CXCL12: variants seen among roughly 807,000 people sequenced by gnomAD.
CXCL12 encodes C-X-C motif chemokine ligand 12, also known as stromal cell-derived factor 1.
In CXCL12, 4 loss-of-function variants were observed where a neutral mutation model predicts 10.7. That is an observed-to-expected ratio of 0.37 (90% CI 0.18 to 0.86). The LOEUF is 0.86. CXCL12 is among the 40% of genes least tolerant of loss of function. The probability of loss-of-function intolerance (pLI) is 0.43; values close to 1 mark genes in which losing one functional copy is unlikely to be tolerated. For synonymous variants in CXCL12, 54 were observed against 45.4 expected (o/e 1.19, Z -0.77); for missense variants, 122 against 110.4 (o/e 1.10, Z -0.47).
downstream of CXCL12, chr10:44,373,168 T>C (rs1339458099): frequency 1.6e-5 from 24 of 1,538,716 alleles, no homozygotes; most frequent in Non-Finnish European, 1.8e-5. Flanking sequence ...TGTATTTTGC[T>C]ACATAATCAA....
downstream of CXCL12, chr10:44,372,029 C>T (rs1028169082): frequency 3.9e-5 from 6 of 152,266 alleles, no homozygotes; most frequent in Admixed American, 6.5e-5. Flanking sequence ...GCACAGGTGA[C>T]ACGCAGAGCA....
chr10:44,382,492 G>GC (rs1279848106), intron 1 of CXCL12, among the ~76,000 whole-genome samples: 1 of 152,148 alleles, frequency 6.6e-6, no homozygotes, highest in Non-Finnish European at 1.5e-5. Context: ...TGAGGCACAA[G>GC]CCCCCTCCCG....
At chr10:44,373,512 G>C (rs1445138512), downstream of CXCL12, among the ~76,000 whole-genome samples, 3 of 152,242 alleles carry the variant, frequency 2.0e-5, no homozygotes, top group Non-Finnish European at 2.9e-5. Flanking sequence ...AGACGGGAGG[G>C]GAGTGCGAGA....
In CXCL12 at chr10:44,385,023, G is replaced by T. The variant is rs1386253693; in HGVS notation, c.-18C>A. On this transcript the variant is annotated 5_prime_UTR_variant, in exon 1 of 3. Coordinates refer to ENST00000343575, the MANE Select transcript of CXCL12 (RefSeq NM_199168.4). The stretch of plus-strand genomic sequence containing the variant: ...GCGTTCATGGCGCGGGCGGGCGGGC[G>T]GGCGGGCGGACGAGCGCGGGTCGGG... 7 of 1,363,332 alleles carry T rather than the reference G, an allele frequency of 5.1e-6. No individual in the cohort carries two copies. The highest frequency in any genetic ancestry group is 2.3e-5 in the Admixed American group (1 of 43,540). The allele number at this position is 1,363,332 out of a possible 1,614,324, so 84.5% of individuals were successfully genotyped here.
At position 44,378,511 on chromosome 10, in the gene CXCL12, C is replaced by G. The variant is rs181306074; in HGVS notation, c.*122G>C. ...CGATCCCAGATCAATGTGCCCACCCCACACACACACCTGGTCCTCATGGTT... is the reference window on the plus strand; with the variant it reads ...CGATCCCAGATCAATGTGCCCACCCGACACACACACCTGGTCCTCATGGTT... On this transcript the variant is annotated 3_prime_UTR_variant, in exon 3 of 3. Coordinates refer to ENST00000343575, the MANE Select transcript of CXCL12 (RefSeq NM_199168.4). 28 of 1,546,136 alleles carry G rather than the reference C, an allele frequency of 1.8e-5. No individual in the cohort carries two copies. The highest frequency in any genetic ancestry group is 3.5e-6 in the Non-Finnish European group (4 of 1,144,312).
downstream of CXCL12, chr10:44,372,461 G>T (rs1839337183): frequency 3.8e-6 from 1 of 263,296 alleles, no homozygotes; most frequent in Admixed American, 5.2e-5. Flanking sequence ...CATGCATCAA[G>T]ACATTGGTCA....
chr10:44,380,961 C>T, intron 1 of CXCL12, 81 bp from the exon 2 acceptor site: 2 of 1,128,332 alleles, frequency 1.8e-6, no homozygotes, highest in South Asian at 1.2e-5. Context: ...GCAGTTGGTG[C>T]AGCGATTAAG....
At chr10:44,381,607 T>C (rs1280106179) in intron 1 of CXCL12, among the ~76,000 whole-genome samples, 1 of 152,228 alleles carries the variant, frequency 6.6e-6, no homozygotes. Flanking sequence ...TTAAGATCTT[T>C]GCAAAATCAC....
chr10:44,384,040 A>G (rs1490325018), intron 1 of CXCL12, among the ~76,000 whole-genome samples: 1 of 152,218 alleles, frequency 6.6e-6, no homozygotes, highest in East Asian at 1.9e-4. Context: ...AGCGAAAGAA[A>G]AGAAAAAAGC....
At chr10:44,378,861 G>C (rs2236534) in intron 2 of CXCL12, 138 bp from the exon 3 acceptor site, 6 of 798,098 alleles carry the variant, frequency 7.5e-6, no homozygotes, top group Non-Finnish European at 4.2e-6. Context: ...AGGCTCCAGA[G>C]GTGCTCGCGG....
At chr10:44,380,317 A>C (rs1171265778) in intron 2 of CXCL12, 2 of 160,190 alleles carry the variant, frequency 1.2e-5, no homozygotes, top group Non-Finnish European at 2.8e-5. Context: ...AAAATGTTGA[A>C]GTTTCACCCA....
chr10:44,374,818 G>A, downstream of CXCL12: 1 of 390,570 alleles, frequency 2.6e-6, no homozygotes, highest in South Asian at 1.9e-5. Context: ...GGGTGTTTAT[G>A]TGAGGTGGAG....
intron 1 of CXCL12, 65 bp from the exon 2 acceptor site, chr10:44,380,945 G>T: frequency 7.7e-7 from 1 of 1,294,286 alleles, no homozygotes; most frequent in Non-Finnish European, 1.1e-6. Context: ...GTGTGTCTGG[G>T]CTGCAGCAGT....
At chr10:44,383,450 CCAGCCCTCCGGGGAGGGGG>C (rs1839694424) in intron 1 of CXCL12, among the ~76,000 whole-genome samples, 1 of 152,022 alleles carries the variant, frequency 6.6e-6, no homozygotes, top group Non-Finnish European at 1.5e-5. Context: ...AATCCTCTCT[CCAGCCCTCCGGGGAGGGGG>C]CAGCACCATT....
In CXCL12 at chr10:44,380,747, C is replaced by T; in HGVS notation, c.179+16G>A. 6.3e-7 allele frequency: 1 copy of T among 1,591,022 alleles called. No individual in the cohort carries two copies. The highest frequency in any genetic ancestry group is 8.6e-7 in the Non-Finnish European group (1 of 1,158,910). On this transcript the variant is annotated intron_variant, in intron 2 of 2. Transcript: ENST00000343575. ...GCAACTATGTTCGTTAGATGATGTT[C>T]AATTTCAAGACTTACACAATCTGAA...
At position 44,380,776 on chromosome 10, in the gene CXCL12, C is replaced by A. The variant is rs1304686655; in HGVS notation, c.166G>T (p.Ala56Ser). 6.2e-7 allele frequency: 1 copy of A among 1,613,460 alleles called. No homozygotes were observed. Among genetic ancestry groups the A allele is most frequent in the East Asian group, 2.2e-5 (1 of 44,898 alleles). The change falls in exon 2 of 3, where the codon GCC (alanine) becomes TCC (serine). Residue 56 changes from alanine to serine, a missense_variant. Ala to Ser is a moderately conservative substitution (Grantham distance 99, BLOSUM62 1). Transcript: ENST00000343575. ...HLKILNTPNC[A>S]LQIVARLKNN... Reference sequence around the variant, plus strand: ...TTCAAGACTTACACAATCTGAAGGGCACAGTTTGGAGTGTTGAGAATTTTG... The same window carrying A: ...TTCAAGACTTACACAATCTGAAGGGAACAGTTTGGAGTGTTGAGAATTTTG...
chr10:44,374,484 T>A, downstream of CXCL12: 2 of 456,034 alleles, frequency 4.4e-6, no homozygotes, highest in South Asian at 1.5e-5. Context: ...GGCACCCCTG[T>A]ACCCAGGGCT....
chr10:44,377,781 C>G lies in CXCL12; in HGVS notation c.*852G>C, dbSNP rs1266657828. ...TCCCCAGGAGAGGGCCAGCTCCATT[C>G]TGGAGGAGGCCAAAGACGGATCTCA... On this transcript the variant is annotated 3_prime_UTR_variant, in exon 3 of 3. Transcript: ENST00000343575. 1 of 1,598,228 alleles carries G rather than the reference C, an allele frequency of 6.3e-7. No homozygotes were observed. The highest frequency in any genetic ancestry group is 2.2e-5 in the East Asian group (1 of 44,880).
At chr10:44,384,088 G>C (rs17878782) in intron 1 of CXCL12, among the ~76,000 whole-genome samples, 7,362 of 152,308 alleles carry the variant, frequency 0.048, 217 homozygotes, top group African/African-American at 0.084. Flanking sequence ...GTTCCCAGTG[G>C]CCCAGGGCCT....
Sources: allele counts gnomAD v4.1 joint callset (sites outside exome capture counted in the v4.1 genomes callset), GRCh38; gene constraint gnomAD v4.1.1; transcripts MANE v1.5; gene names NCBI Gene and HGNC (gene_info 2026-07-23, HGNC 2026-07-21).